Variants in SPAG16 observed in about 807,000 individuals in gnomAD.
The protein encoded by SPAG16 is sperm associated antigen 16, also known as sperm-associated antigen 16 protein.
SPAG16 carries 86 observed loss-of-function variants against 80.4 expected under a neutral mutation model. The observed-to-expected ratio is 1.07, with a 90% CI of 0.90 to 1.28. The LOEUF (loss-of-function observed/expected upper bound fraction) is 1.28, where lower values mean the gene tolerates loss of function less well. Ranked by LOEUF, SPAG16 falls within the 50% of genes most tolerant of loss-of-function variation. SPAG16 has a pLI of 0.00. For synonymous variants in SPAG16, 294 were observed against 265.9 expected (o/e 1.11, Z -1.03); for missense variants, 870 against 765.3 (o/e 1.14, Z -1.61).
intron 12 of SPAG16, among the ~76,000 whole-genome samples, chr2:213,991,859 G>GTTTATTTATGTA (rs2046297652): frequency 6.9e-6 from 1 of 144,894 alleles, no homozygotes. Flanking sequence ...ACAATTGAGA[G>GTTTATTTATGTA]TTTATTTATT....
intron 15 of SPAG16, among the ~76,000 whole-genome samples, chr2:214,263,714 A>C (rs930599260): frequency 6.6e-6 from 1 of 152,216 alleles, no homozygotes; most frequent in Non-Finnish European, 1.5e-5. Context: ...GGGAATTTCA[A>C]GCTAAATTCC....
chr2:213,973,777 C>T (rs72934028), intron 12 of SPAG16, among the ~76,000 whole-genome samples: 20,110 of 151,880 alleles, frequency 0.13, 1,810 homozygotes, highest in Non-Finnish European at 0.2. Context: ...GCTGCCTAAT[C>T]TGGTGTTTTG....
At chr2:213,762,934 T>G (rs1397339972) in intron 10 of SPAG16, among the ~76,000 whole-genome samples, 2 of 152,070 alleles carry the variant, frequency 1.3e-5, no homozygotes, top group Non-Finnish European at 2.9e-5. Flanking sequence ...TACAACTCAA[T>G]AGTTAAAAAA....
At chr2:214,029,893 T>C (rs2048324830) in intron 13 of SPAG16, among the ~76,000 whole-genome samples, 1 of 152,184 alleles carries the variant, frequency 6.6e-6, no homozygotes, top group African/African-American at 2.4e-5. Flanking sequence ...TTTGGACATA[T>C]GCATAAACCT....
At position 213,555,591 on chromosome 2, in the gene SPAG16, T is replaced by C. The variant is rs925101847; in HGVS notation, c.1070+65501T>C. ...AGTCTCAGGTATTTCTTCATATCAGTGTAAGAACAGACAAATACATCCAGC... is the reference window on the plus strand; with the variant it reads ...AGTCTCAGGTATTTCTTCATATCAGCGTAAGAACAGACAAATACATCCAGC... On this transcript the variant is annotated intron_variant, in intron 10 of 15. Coordinates refer to ENST00000331683, the MANE Select transcript of SPAG16 (RefSeq NM_024532.5). Among the ~76,000 whole-genome samples, 10 of 152,210 alleles carry C rather than the reference T, an allele frequency of 6.6e-5. No homozygotes were observed. The East Asian group carries it at 1.9e-3, about 29-fold the overall frequency.
At chr2:213,860,412 AAT>A (rs2075379467) in intron 10 of SPAG16, among the ~76,000 whole-genome samples, 2 of 84,154 alleles carry the variant, frequency 2.4e-5, no homozygotes, top group Admixed American at 1.5e-4. Context: ...TACATATATA[AAT>A]ATATGTGTGT....
intron 10 of SPAG16, among the ~76,000 whole-genome samples, chr2:213,601,382 C>G (rs903648874): frequency 4.6e-5 from 7 of 152,118 alleles, no homozygotes; most frequent in African/African-American, 1.7e-4. Flanking sequence ...TTTGGAGTAT[C>G]AGTTTCTGAG....
At chr2:213,802,435 A>G (rs868776084) in intron 10 of SPAG16, among the ~76,000 whole-genome samples, 12 of 147,964 alleles carry the variant, frequency 8.1e-5, no homozygotes, top group African/African-American at 2.7e-4. Flanking sequence ...CTATCTATCT[A>G]TCTATCTATC....
At chr2:214,340,909 A>C (rs1306024817) in intron 15 of SPAG16, among the ~76,000 whole-genome samples, 1 of 152,200 alleles carries the variant, frequency 6.6e-6, no homozygotes, top group Non-Finnish European at 1.5e-5. Flanking sequence ...ACCTTTCTCC[A>C]TATTAATGGT....
intron 15 of SPAG16, among the ~76,000 whole-genome samples, chr2:214,170,737 A>C (rs1383036540): frequency 6.6e-6 from 1 of 152,050 alleles, no homozygotes. Context: ...TATGTCCTGT[A>C]GCTTGAAACA....
At chr2:214,131,173 A>T (rs1346034899) in intron 14 of SPAG16, among the ~76,000 whole-genome samples, 1 of 152,054 alleles carries the variant, frequency 6.6e-6, no homozygotes, top group East Asian at 1.9e-4. Context: ...TGAGAGTTTG[A>T]CAACAGTCTG....
intron 11 of SPAG16, among the ~76,000 whole-genome samples, chr2:213,909,426 C>G (rs897506538): frequency 6.6e-6 from 1 of 152,112 alleles, no homozygotes; most frequent in Non-Finnish European, 1.5e-5. Flanking sequence ...CAAGTCAATC[C>G]TAAGCCAAAA....
At chr2:214,136,542 A>G (rs1489882687) in intron 14 of SPAG16, among the ~76,000 whole-genome samples, 1 of 152,178 alleles carries the variant, frequency 6.6e-6, no homozygotes. Context: ...TCCATGGAGC[A>G]TGATTGGTGA....
chr2:213,323,851 T>C (rs556269337), intron 5 of SPAG16, among the ~76,000 whole-genome samples: 49 of 152,136 alleles, frequency 3.2e-4, no homozygotes, highest in Non-Finnish European at 5.7e-4. Flanking sequence ...TTGAGGACAC[T>C]ATGGTAAGTG....
At chr2:214,043,642 G>C (rs1041615132) in intron 13 of SPAG16, among the ~76,000 whole-genome samples, 1 of 152,132 alleles carries the variant, frequency 6.6e-6, no homozygotes, top group African/African-American at 2.4e-5. Flanking sequence ...TTACCTGGTT[G>C]CAGCTCTGGT....
chr2:214,210,138 T>C (rs1362437849), intron 15 of SPAG16, among the ~76,000 whole-genome samples: 1 of 151,990 alleles, frequency 6.6e-6, no homozygotes, highest in Admixed American at 6.6e-5. Context: ...AAGGAAGAAG[T>C]TGGGGGGAAG....
chr2:213,466,418 G>A (rs1033165554), intron 9 of SPAG16, among the ~76,000 whole-genome samples: 3 of 152,190 alleles, frequency 2.0e-5, no homozygotes, highest in African/African-American at 7.2e-5. Context: ...CCCCAATTAT[G>A]GAGTGAGTCT....
intron 12 of SPAG16, among the ~76,000 whole-genome samples, chr2:213,972,863 C>T (rs1339472478): frequency 1.3e-5 from 2 of 152,108 alleles, no homozygotes; most frequent in Non-Finnish European, 2.9e-5. Flanking sequence ...TTTTCCTCCA[C>T]TCTGTGGGTT....
At chr2:214,185,135 G>T (rs1259827339) in intron 15 of SPAG16, among the ~76,000 whole-genome samples, 1 of 151,988 alleles carries the variant, frequency 6.6e-6, no homozygotes, top group African/African-American at 2.4e-5. Context: ...GCTGAAAAAT[G>T]CTTTGAAAAG....
Sources: gnomAD v4.1 joint callset for allele counts (sites outside exome capture counted in the v4.1 genomes callset) on GRCh38, gnomAD v4.1.1 for gene constraint, MANE v1.5 for transcripts, NCBI Gene and HGNC (gene_info 2026-07-23, HGNC 2026-07-21) for gene names.